SPEF2: variants seen among roughly 807,000 people sequenced by gnomAD.
The protein encoded by SPEF2 is sperm flagellar and cilia associated 2.
Under a neutral mutation model 224.6 loss-of-function variants are expected in SPEF2, and 187 were observed. That is an observed-to-expected ratio of 0.83 (90% CI 0.74 to 0.94). The LOEUF is 0.94. Ranked by LOEUF, SPEF2 falls within the 40% of genes least tolerant of loss-of-function variation. SPEF2 has a pLI of 0.00. For synonymous variants in SPEF2, 715 were observed against 707.3 expected (o/e 1.01, Z -0.17); for missense variants, 2,170 against 2,135.6 (o/e 1.02, Z -0.32).
rs183366195 is a variant in SPEF2 at position 35,720,789 on chromosome 5, T to C, written c.2915-6886T>C. 1.6e-3 allele frequency among the ~76,000 whole-genome samples: 240 copies of C among 152,284 alleles called. 2 individuals are homozygous for C. Among genetic ancestry groups the C allele is most frequent in the African/African-American group, 5.3e-3 (222 of 41,548 alleles). On this transcript the variant is annotated intron_variant, in intron 20 of 36. Coordinates refer to ENST00000356031, the MANE Select transcript of SPEF2 (RefSeq NM_024867.4). The stretch of plus-strand genomic sequence containing the variant: ...TGGCAATCCCACGTACCTAAACCTG[T>C]CAAACAATCCTGTTTACCTCTCTTT...
chr5:35,740,197 A>G lies in SPEF2; in HGVS notation c.3260A>G (p.Asp1087Gly), dbSNP rs762749487. The part of the protein sequence containing the change: ...KQDFVAQWQA[D>G]FNSLPDDLWD... ...GATTTTGTAGCTCAATGGCAGGCTG[A>G]TTTCAACTCCCTTCCTGATGACCTG... The change falls in exon 23 of 37, where the codon GAT becomes GGT. Residue 1087 changes from aspartate (D) to glycine (G), a missense_variant. Transcript: ENST00000356031. The G allele has an allele frequency of 6.8e-6, 11 of 1,613,968 alleles. No homozygotes were observed. The Admixed American group carries it at 1.7e-4, about 24-fold the overall frequency.
chr5:35,685,767 G>T (rs992840572), intron 10 of SPEF2, among the ~76,000 whole-genome samples: 6 of 151,440 alleles, frequency 4.0e-5, no homozygotes, highest in African/African-American at 1.5e-4. Context: ...GGTCAAATTT[G>T]GCCAATAATT....
At chr5:35,786,009 T>A (rs2149815278) in intron 30 of SPEF2, among the ~76,000 whole-genome samples, 1 of 152,356 alleles carries the variant, frequency 6.6e-6, no homozygotes, top group South Asian at 2.1e-4. Context: ...TAGCTACTTC[T>A]GCCTTTGAAC....
chr5:35,686,534 CTTAA>C (rs1753650358), intron 10 of SPEF2, among the ~76,000 whole-genome samples: 1 of 151,972 alleles, frequency 6.6e-6, no homozygotes, highest in Non-Finnish European at 1.5e-5. Context: ...ATTTGTATGT[CTTAA>C]TTACTTTTAT....
intron 5 of SPEF2, 74 bp downstream of exon 5, chr5:35,646,881 G>T: frequency 6.7e-7 from 1 of 1,502,866 alleles, no homozygotes; most frequent in South Asian, 1.3e-5. Flanking sequence ...AACATATAGA[G>T]AGACTTTCCA....
chr5:35,651,048 A>G (rs906625013), intron 6 of SPEF2, among the ~76,000 whole-genome samples: 5 of 152,212 alleles, frequency 3.3e-5, no homozygotes, highest in Admixed American at 3.3e-4. Context: ...GACTCCGGCC[A>G]CTTGGCCCAT....
At position 35,799,953 on chromosome 5, in the gene SPEF2, T is replaced by G. The variant is rs1301821539; in HGVS notation, c.4831-15T>G. On this transcript the variant is annotated splice_polypyrimidine_tract_variant and intron_variant, in intron 33 of 36. Coordinates refer to ENST00000356031, the MANE Select transcript of SPEF2 (RefSeq NM_024867.4). Reference sequence around the variant, plus strand: ...AGTGCACCCATTTTATCTTTGGAATTCTTTTTGTGTGCAGTTTTTCTTTAG... The same window carrying G: ...AGTGCACCCATTTTATCTTTGGAATGCTTTTTGTGTGCAGTTTTTCTTTAG... 6.2e-7 allele frequency: 1 copy of G among 1,613,446 alleles called. No individual in the cohort carries two copies. Among genetic ancestry groups the G allele is most frequent in the East Asian group, 2.2e-5 (1 of 44,852 alleles).
rs774990570 is a variant in SPEF2 at position 35,628,502 on chromosome 5, T to C, written c.101T>C (p.Leu34Pro). The change falls in exon 2 of 37, where the codon CTT (leucine) becomes CCT (proline). Residue 34 changes from leucine (L) to proline (P), a missense_variant. Leu to Pro is a moderately conservative substitution (Grantham distance 98). Transcript: ENST00000356031. The stretch of plus-strand genomic sequence containing the variant: ...AAGGCATTTTCCAGTGGCTATCTAC[T>C]TGGAGAAGTTCTACACAAGTTTGAA... ...FAKAFSSGYL[L>P]GEVLHKFELQ... 2 of 1,614,064 alleles carry C rather than the reference T, an allele frequency of 1.2e-6. No homozygotes were observed. The highest frequency in any genetic ancestry group is 1.7e-6 in the Non-Finnish European group (2 of 1,179,994).
rs1754664628 is a variant in SPEF2 at position 35,692,487 on chromosome 5, A to G, written c.1745-83A>G. ...TCTAGCGGGCCTGAAAGACAGTGTT[A>G]TAGGACAAAACCAGCACATAAAGAC... On this transcript the variant is annotated intron_variant, in intron 11 of 36. Transcript: ENST00000356031. The G allele has an allele frequency of 3.7e-6, 4 of 1,077,600 alleles. No homozygotes were observed. The South Asian group carries it at 4.8e-5, about 13-fold the overall frequency. The allele number at this position is 1,077,600 out of a possible 1,614,324, so 66.8% of individuals were successfully genotyped here.
At chr5:35,632,217 C>A (rs1745235728) in intron 2 of SPEF2, among the ~76,000 whole-genome samples, 1 of 152,112 alleles carries the variant, frequency 6.6e-6, no homozygotes, top group Admixed American at 6.6e-5. Context: ...TAAATATATA[C>A]CCGAGATTGG....
At chr5:35,806,597 C>T (rs1024668219) in intron 34 of SPEF2, 110 bp from the exon 35 acceptor site, 4 of 1,359,402 alleles carry the variant, frequency 2.9e-6, no homozygotes, top group Non-Finnish European at 4.0e-6. Context: ...TTGTGGTAGG[C>T]TCTGTCATTC....
At chr5:35,743,210 A>G (rs1282445368) in intron 23 of SPEF2, among the ~76,000 whole-genome samples, 1 of 151,976 alleles carries the variant, frequency 6.6e-6, no homozygotes, top group Non-Finnish European at 1.5e-5. Context: ...AACTTCAAAA[A>G]GAAGTTAGAA....
Position 35,692,504 on chromosome 5 carries a change from C to A in SPEF2, c.1745-66C>A, listed in dbSNP as rs1291458943. The A allele has an allele frequency of 2.3e-6, 3 of 1,309,884 alleles. No homozygotes were observed. In the Admixed American group the frequency reaches 5.9e-5, roughly 26 times the overall value. 81.1% of individuals were successfully genotyped at this position (1,309,884 alleles called of 1,614,324 possible). On this transcript the variant is annotated intron_variant, in intron 11 of 36. Coordinates refer to ENST00000356031, the MANE Select transcript of SPEF2 (RefSeq NM_024867.4). The stretch of plus-strand genomic sequence containing the variant: ...ACAGTGTTATAGGACAAAACCAGCA[C>A]ATAAAGACAACAATTTCCATTTCCC...
At position 35,740,219 on chromosome 5, in the gene SPEF2, C is replaced by T; in HGVS notation, c.3282C>T (p.Asp1094=). The change falls in exon 23 of 37, where the codon GAC becomes GAT. Residue 1094 remains aspartate (D), a synonymous_variant. Coordinates refer to ENST00000356031, the MANE Select transcript of SPEF2 (RefSeq NM_024867.4). Reference sequence around the variant, plus strand: ...CTGATTTCAACTCCCTTCCTGATGACCTGTGGGATGATGAGGAAACAAAGG... The same window carrying T: ...CTGATTTCAACTCCCTTCCTGATGATCTGTGGGATGATGAGGAAACAAAGG... ...WQADFNSLPD[D]LWDDEETKAE... 4.3e-6 allele frequency: 7 copies of T among 1,614,042 alleles called. No individual in the cohort carries two copies. Among genetic ancestry groups the T allele is most frequent in the Non-Finnish European group, 5.9e-6 (7 of 1,180,002 alleles).
chr5:35,807,502 G>T, intron 36 of SPEF2: 1 of 940,100 alleles, frequency 1.1e-6, no homozygotes, highest in Non-Finnish European at 1.6e-6. Context: ...TGTTAGGATT[G>T]TCATTGTAGC....
intron 20 of SPEF2, among the ~76,000 whole-genome samples, chr5:35,726,481 A>C (rs1275359398): frequency 6.6e-6 from 1 of 152,136 alleles, no homozygotes; most frequent in South Asian, 2.1e-4. Context: ...ATTTTATATA[A>C]TTTAGATATA....
intron 30 of SPEF2, chr5:35,789,257 G>A: frequency 1.4e-6 from 1 of 703,132 alleles, no homozygotes. Flanking sequence ...CTTCTTGTTG[G>A]ATGTCATGAA....
At chr5:35,631,938 A>G (rs1480451093) in intron 2 of SPEF2, among the ~76,000 whole-genome samples, 1 of 152,238 alleles carries the variant, frequency 6.6e-6, no homozygotes, top group African/African-American at 2.4e-5. Flanking sequence ...GATTATATGC[A>G]AATACTATAC....
At chr5:35,618,925 C>G (rs984617273) in intron 1 of SPEF2, among the ~76,000 whole-genome samples, 2 of 151,176 alleles carry the variant, frequency 1.3e-5, no homozygotes, top group African/African-American at 4.9e-5. Context: ...TCATTTCAGT[C>G]CATTTTCCCA....
Sources: gnomAD v4.1 joint callset for allele counts (sites outside exome capture counted in the v4.1 genomes callset) on GRCh38, gnomAD v4.1.1 for gene constraint, MANE v1.5 for transcripts, NCBI Gene and HGNC (gene_info 2026-07-23, HGNC 2026-07-21) for gene names.